The following DNAH12 variants were observed in gnomAD, a reference collection of about 807,000 sequenced individuals.
DNAH12 encodes the protein dynein axonemal heavy chain 12, also known as axonemal beta dynein heavy chain 12.
A neutral mutation model predicts 371.5 loss-of-function variants in DNAH12; 285 were observed. The ratio of observed to expected loss-of-function variants is 0.77; its 90% CI spans 0.70 to 0.85. DNAH12 has a LOEUF of 0.85. DNAH12 is among the 40% of genes least tolerant of loss of function. The pLI is 0.00. For synonymous variants in DNAH12, 1,200 were observed against 1,213.0 expected (o/e 0.99, Z 0.22); for missense variants, 3,611 against 3,689.4 (o/e 0.98, Z 0.55).
intron 13 of DNAH12, among the ~76,000 whole-genome samples, chr3:57,474,485 G>A (rs547803457): frequency 3.9e-5 from 6 of 152,042 alleles, no homozygotes; most frequent in African/African-American, 7.2e-5. Flanking sequence ...TAGCAGAGAC[G>A]GGATTTCACC....
At chr3:57,415,651 C>T (rs2064349807) in intron 37 of DNAH12, 87 bp from the exon 38 acceptor site, 2 of 1,293,928 alleles carry the variant, frequency 1.5e-6, no homozygotes, top group Non-Finnish European at 2.1e-6. Flanking sequence ...TAAAAGTGTA[C>T]ATAAGAATCA....
intron 58 of DNAH12, among the ~76,000 whole-genome samples, chr3:57,362,612 G>A (rs1409595388): frequency 6.6e-6 from 1 of 152,170 alleles, no homozygotes; most frequent in Non-Finnish European, 1.5e-5. Context: ...TTTCTCAGAT[G>A]GCCAGTGATG....
At chr3:57,417,889 G>A (rs1292912060) in intron 37 of DNAH12, among the ~76,000 whole-genome samples, 1 of 152,048 alleles carries the variant, frequency 6.6e-6, no homozygotes, top group Admixed American at 6.5e-5. Flanking sequence ...GGTGGCTCAA[G>A]CCTGTAATCC....
rs1385637019 is a variant in DNAH12, at chr3:57,310,677, T to C, written c.10896+40A>G. On this transcript the variant is annotated intron_variant, in intron 67 of 73. Coordinates refer to ENST00000495027, the MANE Select transcript of DNAH12 (RefSeq NM_001366028.2). ...ATTTCACCATTTGCTGTTAGAAAAA[T>C]CACACATTAATCTAACCTTATTTTT... 2.2e-6 allele frequency: 3 copies of C among 1,380,450 alleles called. No individual in the cohort carries two copies. The East Asian group carries it at 7.5e-5, about 35-fold the overall frequency. The allele number at this position is 1,380,450 out of a possible 1,614,324, so 85.5% of individuals were successfully genotyped here.
At position 57,414,024 on chromosome 3, in the gene DNAH12, G is replaced by A. The variant is rs951074132; in HGVS notation, c.5854-112C>T. The A allele has an allele frequency of 8.5e-6, 9 of 1,063,246 alleles. No individual in the cohort carries two copies. In the South Asian group the frequency reaches 8.7e-5, roughly 10 times the overall value. The allele number at this position is 1,063,246 out of a possible 1,614,324, so 65.9% of individuals were successfully genotyped here. Reference sequence around the variant, plus strand: ...AACAACCCATTTTGCCAGAATCCATGGGATTTTTACCAGTAACAATTACTA... The same window carrying A: ...AACAACCCATTTTGCCAGAATCCATAGGATTTTTACCAGTAACAATTACTA... On this transcript the variant is annotated intron_variant, in intron 38 of 73. Transcript: ENST00000495027.
At chr3:57,503,525 A>G (rs771121951) in intron 9 of DNAH12, among the ~76,000 whole-genome samples, 1 of 151,532 alleles carries the variant, frequency 6.6e-6, no homozygotes, top group Non-Finnish European at 1.5e-5. Context: ...AGTAGCTGGG[A>G]GTACAGGCAC....
In DNAH12 at chr3:57,372,576, A is replaced by G. The variant is rs1012715084; in HGVS notation, c.8759+2795T>C. 3.0e-4 allele frequency among the ~76,000 whole-genome samples: 46 copies of G among 152,218 alleles called. No homozygotes were observed. In the South Asian group the frequency reaches 8.7e-3, roughly 29 times the overall value. On this transcript the variant is annotated intron_variant, in intron 55 of 73. Transcript: ENST00000495027. Reference sequence around the variant, plus strand: ...TATAACAGCACAAAAGACAGAAAAGAGAATTATACTGTTGAAAGATATTTA... The same window carrying G: ...TATAACAGCACAAAAGACAGAAAAGGGAATTATACTGTTGAAAGATATTTA...
Position 57,391,605 on chromosome 3 carries a change from G to A in DNAH12, c.7305+267C>T, listed in dbSNP as rs923731454. On this transcript the variant is annotated intron_variant, in intron 45 of 73. Transcript: ENST00000495027. ...CATGACTCAGAAATTCACTGCCTTC[G>A]TATATATACCCTTTGCACATCAACA... 1.3e-4 allele frequency among the ~76,000 whole-genome samples: 20 copies of A among 152,074 alleles called. No individual in the cohort carries two copies. In the South Asian group the frequency reaches 1.9e-3, roughly 14 times the overall value.
At chr3:57,483,099 G>GA (rs57454657) in intron 13 of DNAH12, among the ~76,000 whole-genome samples, 41 of 135,580 alleles carry the variant, frequency 3.0e-4, no homozygotes, top group East Asian at 9.0e-4. Context: ...GTGCAACATT[G>GA]AAAAAAAAAA....
At chr3:57,413,137 G>T (rs1196371801) in intron 39 of DNAH12, among the ~76,000 whole-genome samples, 2 of 152,114 alleles carry the variant, frequency 1.3e-5, no homozygotes, top group African/African-American at 2.4e-5. Flanking sequence ...GCCATGAGAA[G>T]ATATGAATGA....
In DNAH12 at chr3:57,446,267, A is replaced by G; in HGVS notation, c.3943T>C (p.Phe1315Leu). 2 of 1,550,218 alleles carry G rather than the reference A, an allele frequency of 1.3e-6. No homozygotes were observed. Among genetic ancestry groups the G allele is most frequent in the Non-Finnish European group, 1.7e-6 (2 of 1,146,308 alleles). ...GLDYLAMGKF[F>L]KGLASSGAWA... Reference sequence around the variant, plus strand: ...GCACCAGAAGAAGCCAGTCCTTTAAAAAACTAAGGACAAAGAAAAAGGAAA... The same window carrying G: ...GCACCAGAAGAAGCCAGTCCTTTAAGAAACTAAGGACAAAGAAAAAGGAAA... The change falls in exon 27 of 74, where the codon TTT becomes CTT. Residue 1315 changes from phenylalanine to leucine, a missense_variant. Phe to Leu is a conservative substitution (Grantham distance 22). Coordinates refer to ENST00000495027, the MANE Select transcript of DNAH12 (RefSeq NM_001366028.2).
chr3:57,381,624 T>C (rs986906543), intron 50 of DNAH12, among the ~76,000 whole-genome samples: 8 of 152,264 alleles, frequency 5.3e-5, no homozygotes, highest in Non-Finnish European at 1.0e-4. Flanking sequence ...ATTCCACACA[T>C]GTTAAATACC....
intron 2 of DNAH12, among the ~76,000 whole-genome samples, chr3:57,536,895 G>A (rs1217023609): frequency 1.4e-5 from 1 of 72,798 alleles, no homozygotes; most frequent in Non-Finnish European, 3.5e-5. Flanking sequence ...TTCACTACCT[G>A]ACTGTTTTTG....
rs2062467654 is a variant in DNAH12, at chr3:57,343,825, C to T, written c.9674+8260G>A. Among the ~76,000 whole-genome samples the T allele has an allele frequency of 1.3e-5, 2 of 152,266 alleles. 1 individual carries two copies. The highest frequency in any genetic ancestry group is 4.2e-4 in the South Asian group (2 of 4,812). On this transcript the variant is annotated intron_variant, in intron 60 of 73. Transcript: ENST00000495027. The stretch of plus-strand genomic sequence containing the variant: ...GAGGCGAGACATGTTTGCAGCAATG[C>T]TACCTTGTTATTCTTTACTCTGCTG...
At chr3:57,549,523 T>A in the DNAH12 span, among the ~76,000 whole-genome samples, 36 of 152,116 alleles carry the variant, frequency 2.4e-4, no homozygotes, top group African/African-American at 4.8e-4. Context: ...AAAATTTTTT[T>A]AAAAATTGTT....
At chr3:57,488,438 C>T (rs1477113689) in intron 12 of DNAH12, among the ~76,000 whole-genome samples, 1 of 152,056 alleles carries the variant, frequency 6.6e-6, no homozygotes, top group African/African-American at 2.4e-5. Flanking sequence ...GTGATTCGCC[C>T]TCCTCGGCCT....
Position 57,462,790 on chromosome 3 carries a change from T to C in DNAH12, c.2435A>G (p.Asp812Gly). Residue 812 changes from aspartate (D) to glycine (G), a missense_variant, in exon 18 of 74, where the codon GAC becomes GGC. Transcript: ENST00000495027. ...TGTAGTTCCAGAGTCTGGAGTCAAG[T>C]CATAGCCTACAATTTCTGATATCTG... Reference protein sequence around the residue: ...WKQISEIVGYDLTPDSGTTLR... With the variant: ...WKQISEIVGYGLTPDSGTTLR... The C allele has an allele frequency of 6.4e-7, 1 of 1,551,486 alleles. No homozygotes were observed. The highest frequency in any genetic ancestry group is 1.2e-5 in the South Asian group (1 of 84,048).
At chr3:57,458,421 G>A (rs933644057) in intron 20 of DNAH12, among the ~76,000 whole-genome samples, 7 of 152,094 alleles carry the variant, frequency 4.6e-5, no homozygotes, top group African/African-American at 1.7e-4. Context: ...CTTATCCAAG[G>A]ACACTAGTTA....
At chr3:57,532,087 C>A (rs763997418) in intron 2 of DNAH12, among the ~76,000 whole-genome samples, 2 of 152,132 alleles carry the variant, frequency 1.3e-5, no homozygotes, top group Non-Finnish European at 2.9e-5. Flanking sequence ...CTAATTCTTT[C>A]TGCTTGATCA....
Sources: gnomAD v4.1 joint callset for allele counts (sites outside exome capture counted in the v4.1 genomes callset) on GRCh38, gnomAD v4.1.1 for gene constraint, MANE v1.5 for transcripts, NCBI Gene and HGNC (gene_info 2026-07-23, HGNC 2026-07-21) for gene names.